G3BP2: variants seen among roughly 807,000 people sequenced by gnomAD.
G3BP2 encodes the protein ras GTPase-activating protein-binding protein 2.
Under a neutral mutation model 56.7 loss-of-function variants are expected in G3BP2, and 11 were observed. The observed-to-expected ratio is 0.19, with a 90% confidence interval of 0.12 to 0.32. The LOEUF is 0.32. Ranked by LOEUF, G3BP2 falls within the 10% of genes least tolerant of loss-of-function variation. The probability of loss-of-function intolerance (pLI) is 1.00; values close to 1 mark genes in which losing one functional copy is unlikely to be tolerated. For missense variants in G3BP2, 340 were observed against 610.9 expected (o/e 0.56, Z 4.67); for synonymous variants, 165 against 191.6 (o/e 0.86, Z 1.15).
intron 1 of G3BP2, among the ~76,000 whole-genome samples, chr4:75,670,035 G>C (rs931356635): frequency 6.6e-6 from 1 of 152,200 alleles, no homozygotes; most frequent in Non-Finnish European, 1.5e-5. Flanking sequence ...GGAGGTTGCA[G>C]TGAGCTGAGT....
intron 7 of G3BP2, 53 bp from the exon 8 acceptor site, chr4:75,654,134 T>C: frequency 2.4e-6 from 2 of 820,108 alleles, no homozygotes; most frequent in Non-Finnish European, 2.1e-6. Flanking sequence ...CCACCAACAT[T>C]CCTATAGGGA....
At chr4:75,714,992 A>T (rs893138461) in intron 3 of G3BP2, among the ~76,000 whole-genome samples, 6 of 152,320 alleles carry the variant, frequency 3.9e-5, no homozygotes, top group African/African-American at 1.4e-4. Context: ...GCACGTGGTA[A>T]TCCAATTGAT....
chr4:75,680,664 A>C (rs535882137), intron 3 of G3BP2, among the ~76,000 whole-genome samples: 3 of 152,192 alleles, frequency 2.0e-5, no homozygotes, highest in Non-Finnish European at 4.4e-5. Context: ...GTTGTTTGGC[A>C]GTGTAAAGAA....
chr4:75,655,105 A>G lies in G3BP2; in HGVS notation c.687T>C (p.Pro229=). Residue 229 remains proline, a synonymous_variant, in exon 7 of 12, where the codon CCT becomes CCC. Transcript: ENST00000359707. ...GTGGCAGAGAAACAGGTTCTGCCGG[A>G]GGAGGAGTAGTAGATTTCTCCTCTA... ...EELEEKSTTP[P]PAEPVSLPQE... 6.2e-7 allele frequency: 1 copy of G among 1,612,954 alleles called. No individual in the cohort carries two copies. Among genetic ancestry groups the G allele is most frequent in the Non-Finnish European group, 8.5e-7 (1 of 1,179,162 alleles).
At chr4:75,667,078 G>C (rs562689496) in intron 1 of G3BP2, among the ~76,000 whole-genome samples, 103 of 152,188 alleles carry the variant, frequency 6.8e-4, no homozygotes, top group African/African-American at 2.4e-3. Context: ...CTTGAGCTCA[G>C]GTGTTTGAGA....
upstream of G3BP2, among the ~76,000 whole-genome samples, chr4:75,674,703 TA>T (rs1156466991): frequency 4.2e-4 from 19 of 45,198 alleles, no homozygotes; most frequent in African/African-American, 1.3e-3. Flanking sequence ...TACATATATA[TA>T]TATATATATA....
At chr4:75,660,580 A>C (rs368034861) in intron 2 of G3BP2, among the ~76,000 whole-genome samples, 29 of 152,210 alleles carry the variant, frequency 1.9e-4, no homozygotes, top group African/African-American at 6.5e-4. Context: ...TACGTAAAGT[A>C]ATTACAAATA....
intron 7 of G3BP2, among the ~76,000 whole-genome samples, 191 bp from the exon 8 acceptor site, chr4:75,654,272 AT>A (rs1291761498): frequency 6.6e-6 from 1 of 152,254 alleles, no homozygotes; most frequent in Non-Finnish European, 1.5e-5. Context: ...ATGCAAGCTT[AT>A]TTATAACTTT....
intron 2 of G3BP2, among the ~76,000 whole-genome samples, chr4:75,659,684 TTTC>T (rs1421604731): frequency 6.6e-6 from 1 of 152,204 alleles, no homozygotes; most frequent in Non-Finnish European, 1.5e-5. Context: ...TTCACTTAAC[TTTC>T]TTAACAATCT....
intron 1 of G3BP2, 166 bp from the exon 2 acceptor site, chr4:75,662,215 G>T: frequency 1.4e-5 from 6 of 425,308 alleles, no homozygotes; most frequent in Non-Finnish European, 1.3e-5. Context: ...AGACTAACCT[G>T]AAATAATTTT....
chr4:75,652,124 T>C lies in G3BP2; in HGVS notation c.825+1859A>G, dbSNP rs533818076. On this transcript the variant is annotated intron_variant, in intron 8 of 11. Coordinates refer to ENST00000359707, the MANE Select transcript of G3BP2 (RefSeq NM_203505.3). ...TTCTAAACATTTAAAATTTTTGTTTTATTAAAGGGGTGGCATAGGAAATAC... is the reference window on the plus strand; with the variant it reads ...TTCTAAACATTTAAAATTTTTGTTTCATTAAAGGGGTGGCATAGGAAATAC... 7.0e-4 allele frequency among the ~76,000 whole-genome samples: 106 copies of C among 152,368 alleles called. 2 individuals carry two copies. Among genetic ancestry groups the C allele is most frequent in the African/African-American group, 2.5e-3 (104 of 41,596 alleles).
At chr4:75,649,542 G>A (rs770870793) in intron 8 of G3BP2, among the ~76,000 whole-genome samples, 9 of 152,180 alleles carry the variant, frequency 5.9e-5, no homozygotes, top group South Asian at 2.1e-4. Context: ...TTACATCGGC[G>A]TCTGCTATTA....
chr4:75,677,254 T>C (rs1416146520), upstream of G3BP2, among the ~76,000 whole-genome samples: 2 of 152,144 alleles, frequency 1.3e-5, no homozygotes, highest in Non-Finnish European at 2.9e-5. Flanking sequence ...TCACCACTTT[T>C]GCTGATGAAG....
At chr4:75,665,813 G>C (rs1410755848) in intron 1 of G3BP2, among the ~76,000 whole-genome samples, 1 of 151,976 alleles carries the variant, frequency 6.6e-6, no homozygotes, top group Non-Finnish European at 1.5e-5. Context: ...AAAAACTGAT[G>C]GTAAAATAAT....
rs566306039 is a variant in G3BP2, at chr4:75,685,025, T to C, written c.-24-22976A>G. On this transcript the variant is annotated intron_variant, in intron 3 of 3. Transcript: ENST00000499709. Reference sequence around the variant, plus strand: ...TCAGTTTGTCATAACTGTGAGATGCTGAACTATTTACTGATTTTGATCTTG... The same window carrying C: ...TCAGTTTGTCATAACTGTGAGATGCCGAACTATTTACTGATTTTGATCTTG... 2.0e-5 allele frequency among the ~76,000 whole-genome samples: 3 copies of C among 152,284 alleles called. No homozygotes were observed. The South Asian group carries it at 6.2e-4, about 32-fold the overall frequency.
chr4:75,683,118 C>A (rs937995180), intron 3 of G3BP2, among the ~76,000 whole-genome samples: 1 of 152,134 alleles, frequency 6.6e-6, no homozygotes, highest in African/African-American at 2.4e-5. Flanking sequence ...TCATTTTCCA[C>A]CCACACATTT....
At chr4:75,705,477 G>A (rs1039436675) in intron 3 of G3BP2, among the ~76,000 whole-genome samples, 1 of 152,226 alleles carries the variant, frequency 6.6e-6, no homozygotes, top group Middle Eastern at 3.2e-3. Flanking sequence ...TCCCTGTGGT[G>A]ATCAGATGTA....
At chr4:75,702,939 G>C (rs149618845) in intron 3 of G3BP2, among the ~76,000 whole-genome samples, 260 of 152,356 alleles carry the variant, frequency 1.7e-3, no homozygotes, top group African/African-American at 5.5e-3. Context: ...TCTGGGGCAA[G>C]GGCCACTTGG....
intron 3 of G3BP2, among the ~76,000 whole-genome samples, chr4:75,707,880 TTTAA>T (rs1344725825): frequency 6.6e-6 from 1 of 152,202 alleles, no homozygotes; most frequent in Non-Finnish European, 1.5e-5. Flanking sequence ...TAAACATTAA[TTTAA>T]TTAACTCATT....
Sources: gnomAD v4.1 joint callset for allele counts (sites outside exome capture counted in the v4.1 genomes callset) on GRCh38, gnomAD v4.1.1 for gene constraint, MANE v1.5 for transcripts, NCBI Gene and HGNC (gene_info 2026-07-23, HGNC 2026-07-21) for gene names.